PTPRK: variants seen among roughly 807,000 people sequenced by gnomAD.
The protein encoded by PTPRK is protein tyrosine phosphatase receptor type K.
Under a neutral mutation model 178.0 loss-of-function variants are expected in PTPRK, and 75 were observed. The observed-to-expected ratio is 0.42, with a 90% CI of 0.35 to 0.51. The LOEUF is 0.51. PTPRK is among the 20% of genes least tolerant of loss of function. The pLI, the probability that PTPRK is intolerant of heterozygous loss-of-function variation, is 0.02. For synonymous variants in PTPRK, 637 were observed against 620.6 expected (o/e 1.03, Z -0.39); for missense variants, 1,441 against 1,797.8 (o/e 0.80, Z 3.59).
At chr6:128,051,873 T>G (rs550893409) in intron 13 of PTPRK, among the ~76,000 whole-genome samples, 1 of 152,332 alleles carries the variant, frequency 6.6e-6, no homozygotes, top group South Asian at 2.1e-4. Flanking sequence ...ATAAATCATT[T>G]TTTTTTTAAT....
At chr6:128,497,453 T>A (rs1854850730) in intron 1 of PTPRK, among the ~76,000 whole-genome samples, 1 of 152,110 alleles carries the variant, frequency 6.6e-6, no homozygotes, top group Admixed American at 6.6e-5. Flanking sequence ...TTAATAATAA[T>A]AATAATTTGA....
intron 3 of PTPRK, among the ~76,000 whole-genome samples, chr6:128,274,144 A>G (rs1441952703): frequency 2.0e-5 from 3 of 152,136 alleles, no homozygotes; most frequent in Non-Finnish European, 2.9e-5. Context: ...ATATTTGCCA[A>G]TAGAATAGCA....
At chr6:127,998,217 T>C (rs953868485) in intron 16 of PTPRK, among the ~76,000 whole-genome samples, 5 of 152,006 alleles carry the variant, frequency 3.3e-5, no homozygotes, top group African/African-American at 1.2e-4. Context: ...GTGCTCTATT[T>C]TTTTTCTCAG....
intron 24 of PTPRK, among the ~76,000 whole-genome samples, chr6:127,982,216 A>G (rs1775426630): frequency 6.6e-6 from 1 of 152,182 alleles, no homozygotes; most frequent in Non-Finnish European, 1.5e-5. Context: ...TGCATGAAAA[A>G]AAGGCTATAA....
chr6:128,470,749 C>CTTT (rs11361160), intron 1 of PTPRK, among the ~76,000 whole-genome samples: 1 of 114,236 alleles, frequency 8.8e-6, no homozygotes, highest in African/African-American at 3.3e-5. Context: ...ATATCTCTCT[C>CTTT]TTTTTTTTTT....
chr6:128,267,355 A>G (rs536198165), intron 3 of PTPRK, among the ~76,000 whole-genome samples: 3 of 152,174 alleles, frequency 2.0e-5, no homozygotes, highest in African/African-American at 7.2e-5. Context: ...AAACCTATTG[A>G]CTGCTGTATC....
At chr6:128,348,109 A>G (rs1463505775) in intron 2 of PTPRK, among the ~76,000 whole-genome samples, 5 of 152,078 alleles carry the variant, frequency 3.3e-5, no homozygotes, top group Admixed American at 6.6e-5. Context: ...GAGAATAAAA[A>G]TATTCAAGAG....
chr6:128,039,656 T>C (rs572670149), intron 13 of PTPRK, among the ~76,000 whole-genome samples: 2 of 152,310 alleles, frequency 1.3e-5, no homozygotes, highest in Admixed American at 1.3e-4. Context: ...AAGCAACTTC[T>C]TCCAAAGAAC....
Position 128,224,058 on chromosome 6 carries a change from T to C in PTPRK, c.694-4962A>G, listed in dbSNP as rs150751748. Among the ~76,000 whole-genome samples the C allele has an allele frequency of 9.4e-3, 1,434 of 152,274 alleles. 20 individuals carry two copies. Among genetic ancestry groups the C allele is most frequent in the African/African-American group, 0.033 (1,355 of 41,544 alleles). On this transcript the variant is annotated intron_variant, in intron 5 of 29. Transcript: ENST00000368226. ...ACATTTAAATTCTAGAAGTCAAAAA[T>C]AACTTTTCCTTTTATAGGCTCTTTA...
intron 3 of PTPRK, among the ~76,000 whole-genome samples, chr6:128,259,562 T>A (rs1009084715): frequency 6.6e-6 from 1 of 151,672 alleles, no homozygotes; most frequent in African/African-American, 2.4e-5. Flanking sequence ...AAGCAGAAGG[T>A]GAGATTATGG....
intron 1 of PTPRK, among the ~76,000 whole-genome samples, chr6:128,511,784 G>A (rs927954086): frequency 5.3e-5 from 8 of 152,150 alleles, no homozygotes; most frequent in Admixed American, 1.3e-4. Flanking sequence ...CTCTACCAGT[G>A]ACTCATATAG....
At chr6:128,000,140 A>AT in intron 15 of PTPRK, 1 of 1,003,650 alleles carries the variant, frequency 1.0e-6, no homozygotes, top group South Asian at 3.3e-5. Flanking sequence ...CGTCATACTC[A>AT]TTAACAGAAG....
intron 2 of PTPRK, among the ~76,000 whole-genome samples, chr6:128,336,756 C>T (rs9482879): frequency 0.021 from 3,251 of 152,198 alleles, 137 homozygotes; most frequent in African/African-American, 0.074. Context: ...TAAACAAAAA[C>T]TTCTTTTCCT....
At chr6:128,363,596 C>T (rs1835066622) in intron 2 of PTPRK, among the ~76,000 whole-genome samples, 3 of 152,106 alleles carry the variant, frequency 2.0e-5, no homozygotes, top group Non-Finnish European at 4.4e-5. Flanking sequence ...ACCTCCTTCA[C>T]ACCCCCATGT....
intron 2 of PTPRK, among the ~76,000 whole-genome samples, chr6:128,336,200 T>TG (rs887689028): frequency 1.1e-4 from 17 of 151,888 alleles, no homozygotes; most frequent in African/African-American, 4.1e-4. Context: ...TGTTTTTTTT[T>TG]TTGTTTTTTT....
chr6:128,041,987 T>C (rs1562482593), intron 13 of PTPRK, among the ~76,000 whole-genome samples: 1 of 151,984 alleles, frequency 6.6e-6, no homozygotes, highest in Non-Finnish European at 1.5e-5. Flanking sequence ...TGATAACTTA[T>C]AAATTTGGCT....
At chr6:128,391,490 T>G (rs1839564682) in intron 2 of PTPRK, among the ~76,000 whole-genome samples, 1 of 152,182 alleles carries the variant, frequency 6.6e-6, no homozygotes, top group Non-Finnish European at 1.5e-5. Flanking sequence ...TTGCCAATAC[T>G]ACATGCACAG....
chr6:128,246,633 A>G (rs1477539665), intron 3 of PTPRK, among the ~76,000 whole-genome samples: 2 of 152,230 alleles, frequency 1.3e-5, no homozygotes, highest in Non-Finnish European at 2.9e-5. Context: ...ACAAATCTCA[A>G]TAGCTTAATT....
At chr6:128,061,694 GA>G (rs1173094297) in intron 13 of PTPRK, among the ~76,000 whole-genome samples, 9 of 152,100 alleles carry the variant, frequency 5.9e-5, no homozygotes, top group Admixed American at 4.6e-4. Flanking sequence ...CCTTCTCACT[GA>G]AAGTGGCTTA....
Sources: gnomAD v4.1 joint callset for allele counts (sites outside exome capture counted in the v4.1 genomes callset) on GRCh38, gnomAD v4.1.1 for gene constraint, MANE v1.5 for transcripts, NCBI Gene and HGNC (gene_info 2026-07-23, HGNC 2026-07-21) for gene names.